The following HECW2 variants were observed in gnomAD, a reference collection of about 807,000 sequenced individuals.
The protein encoded by HECW2 is HECT, C2 and WW domain containing E3 ubiquitin protein ligase 2, also known as E3 ubiquitin-protein ligase HECW2.
Under a neutral mutation model 175.2 loss-of-function variants are expected in HECW2, and 61 were observed. That is an observed-to-expected ratio of 0.35 (90% CI 0.28 to 0.43). HECW2 has a LOEUF of 0.43. HECW2 is among the 20% of genes least tolerant of loss of function. The probability of loss-of-function intolerance (pLI) is 1.00; values close to 1 mark genes in which losing one functional copy is unlikely to be tolerated. For synonymous variants in HECW2, 671 were observed against 731.0 expected (o/e 0.92, Z 1.32); for missense variants, 1,524 against 2,000.5 (o/e 0.76, Z 4.54).
At chr2:196,490,154 T>C (rs915590376) in intron 1 of HECW2, among the ~76,000 whole-genome samples, 3 of 152,204 alleles carry the variant, frequency 2.0e-5, no homozygotes, top group Admixed American at 6.5e-5. Context: ...CAAACTCCAT[T>C]TGCCCTCTGG....
chr2:196,331,032 C>A (rs540802905), intron 4 of HECW2: 3 of 456,944 alleles, frequency 6.6e-6, no homozygotes, highest in Admixed American at 6.4e-5. Flanking sequence ...CTAATCCAAG[C>A]AAAGTTGAGA....
intron 1 of HECW2, among the ~76,000 whole-genome samples, chr2:196,499,780 T>C (rs972167457): frequency 3.3e-5 from 5 of 152,202 alleles, no homozygotes; most frequent in South Asian, 2.1e-4. Context: ...AAACTAAACA[T>C]TGATGTTGAC....
chr2:196,220,761 A>C (rs1210313922), intron 25 of HECW2, 34 bp downstream of exon 25: 1 of 1,610,500 alleles, frequency 6.2e-7, no homozygotes, highest in South Asian at 1.1e-5. Context: ...TTGATATCAG[A>C]CTGCAAACTC....
Position 196,484,967 on chromosome 2 carries a change from A to C in HECW2, c.-35-51509T>G, listed in dbSNP as rs1405883. Among the ~76,000 whole-genome samples the C allele has an allele frequency of 4.8e-3, 724 of 152,290 alleles. 15 individuals are homozygous for C. The highest frequency in any genetic ancestry group is 0.037 in the Admixed American group (568 of 15,288). On this transcript the variant is annotated intron_variant, in intron 1 of 28. Transcript: ENST00000644978. ...GTTAGAGGTTCTGTTGCAGGATTCT[A>C]GGTCAAAAGTGAGGCAAGTCTGAAT... is the stretch of plus-strand genomic sequence containing the variant.
intron 1 of HECW2, among the ~76,000 whole-genome samples, chr2:196,514,794 T>C (rs1688090847): frequency 6.6e-6 from 1 of 152,188 alleles, no homozygotes. Flanking sequence ...CTGAGAGCAG[T>C]TCTGCCACTC....
At chr2:196,424,226 A>G (rs929534134) in intron 2 of HECW2, among the ~76,000 whole-genome samples, 2 of 152,040 alleles carry the variant, frequency 1.3e-5, no homozygotes, top group African/African-American at 4.8e-5. Flanking sequence ...ATCAATGAAT[A>G]TTGTGTGTGT....
At chr2:196,209,144 A>G (rs2105781182) in intron 28 of HECW2, among the ~76,000 whole-genome samples, 1 of 152,356 alleles carries the variant, frequency 6.6e-6, no homozygotes, top group South Asian at 2.1e-4. Flanking sequence ...TAGACACTTT[A>G]AAATCTGACT....
intron 1 of HECW2, among the ~76,000 whole-genome samples, chr2:196,504,391 G>A (rs1055144774): frequency 5.9e-5 from 9 of 151,370 alleles, no homozygotes; most frequent in African/African-American, 2.2e-4. Context: ...TCAAAGAGAT[G>A]CAGTACATAC....
chr2:196,584,610 A>G (rs1003473421), intron 1 of HECW2, among the ~76,000 whole-genome samples: 1 of 151,748 alleles, frequency 6.6e-6, no homozygotes, highest in Non-Finnish European at 1.5e-5. Context: ...AACCTAAATC[A>G]CTGCATTAGG....
chr2:196,228,621 C>T (rs568208836), intron 21 of HECW2, among the ~76,000 whole-genome samples: 2 of 152,244 alleles, frequency 1.3e-5, no homozygotes, highest in African/African-American at 2.4e-5. Flanking sequence ...GGGAGCACAA[C>T]GAGAAAGCTT....
At chr2:196,217,243 A>G (rs1463097264) in intron 26 of HECW2, 150 bp from the exon 27 acceptor site, 1 of 481,084 alleles carries the variant, frequency 2.1e-6, no homozygotes, top group African/African-American at 2.0e-5. Context: ...ATAACACTGT[A>G]TATATGATCA....
rs771096444 is a variant in HECW2 at position 196,220,902 on chromosome 2, G to C, written c.4186C>G (p.Pro1396Ala). 3 of 1,613,896 alleles carry C rather than the reference G, an allele frequency of 1.9e-6. No individual in the cohort carries two copies. The South Asian group carries it at 3.3e-5, about 18-fold the overall frequency. ...TCCTTCTTGTTCTTCTCTGTAACTG[G>C]GATATTGGCACCCCCTGGCTTTAAT... ...RELKPGGANI[P>A]VTEKNKKEYI... The change falls in exon 25 of 29, where the codon CCA becomes GCA. Residue 1396 changes from proline to alanine, a missense_variant. Pro to Ala is a conservative substitution (Grantham distance 27). Coordinates refer to ENST00000644978, the MANE Select transcript of HECW2 (RefSeq NM_001348768.2).
intron 2 of HECW2, among the ~76,000 whole-genome samples, chr2:196,350,318 T>C (rs771976623): frequency 4.6e-5 from 7 of 152,160 alleles, no homozygotes; most frequent in East Asian, 3.8e-4. Context: ...GGAGCTGAGA[T>C]TGTGCCACTG....
rs775007450 is a variant in HECW2, at chr2:196,319,338, C to G, written c.1552G>C (p.Ala518Pro). ...AAGGAAGCAGCTTCGTGTGTGGAGG[C>G]TTCCTCATTCTCAACAGGGTTGTCC... ...LEDNPVENEEASTHEAASFED... is the reference protein window; with the variant it reads ...LEDNPVENEEPSTHEAASFED... Residue 518 changes from alanine (A) to proline (P), a missense_variant, in exon 9 of 29, where the codon GCC becomes CCC. Ala to Pro is a conservative substitution (Grantham distance 27, BLOSUM62 -1). Around this residue, in one of 11 missense-constraint regions of HECW2, gnomAD observed 604 missense variants for 588.3 expected, o/e 1.03. Transcript: ENST00000644978. The G allele has an allele frequency of 1.2e-6, 2 of 1,614,154 alleles. No homozygotes were observed. Among genetic ancestry groups the G allele is most frequent in the Non-Finnish European group, 1.7e-6 (2 of 1,180,010 alleles).
intron 1 of HECW2, among the ~76,000 whole-genome samples, chr2:196,560,773 A>G (rs181189997): frequency 6.6e-6 from 1 of 152,320 alleles, no homozygotes; most frequent in Admixed American, 6.5e-5. Flanking sequence ...TGAAGCCGTG[A>G]CAGAAGAACA....
chr2:196,257,672 T>C (rs1689115339), intron 18 of HECW2, 151 bp downstream of exon 18: 2 of 610,502 alleles, frequency 3.3e-6, no homozygotes, highest in Non-Finnish European at 5.8e-6. Flanking sequence ...GATCACTCAA[T>C]CAGCACCCTA....
intron 17 of HECW2, among the ~76,000 whole-genome samples, chr2:196,259,533 T>C (rs961813914): frequency 9.9e-5 from 15 of 152,224 alleles, no homozygotes; most frequent in African/African-American, 3.6e-4. Flanking sequence ...AAACTTTCCT[T>C]TCTGTACTTT....
chr2:196,265,984 A>C (rs1332669862), intron 17 of HECW2, among the ~76,000 whole-genome samples: 2 of 152,164 alleles, frequency 1.3e-5, no homozygotes. Context: ...AGTGAGACAG[A>C]GTCTACTATT....
chr2:196,453,637 T>C (rs1275161794), intron 1 of HECW2, among the ~76,000 whole-genome samples: 3 of 152,218 alleles, frequency 2.0e-5, no homozygotes, highest in Non-Finnish European at 4.4e-5. Context: ...CAGTCAGTGA[T>C]AGCTTATATT....
Sources: gnomAD v4.1 joint callset for allele counts (sites outside exome capture counted in the v4.1 genomes callset) on GRCh38, gnomAD v4.1.1 for gene constraint, gnomAD v4.1.1 regional missense constraint, MANE v1.5 for transcripts, NCBI Gene and HGNC (gene_info 2026-07-23, HGNC 2026-07-21) for gene names.